PLEKHA8: variants seen among roughly 807,000 people sequenced by gnomAD.
PLEKHA8 encodes pleckstrin homology domain-containing family A member 8.
Under a neutral mutation model 68.2 loss-of-function variants are expected in PLEKHA8, and 36 were observed. The ratio of observed to expected loss-of-function variants is 0.53; its 90% CI spans 0.40 to 0.70. The LOEUF (loss-of-function observed/expected upper bound fraction) is 0.70. Ranked by LOEUF, PLEKHA8 falls within the 30% of genes least tolerant of loss-of-function variation. The pLI is 0.00. For synonymous variants in PLEKHA8, 211 were observed against 216.1 expected (o/e 0.98, Z 0.20); for missense variants, 505 against 615.4 (o/e 0.82, Z 1.90).
chr7:30,116,017 TACATACG>T (rs1562558776), intron 13 of PLEKHA8: 23 of 147,482 alleles, frequency 1.6e-4, no homozygotes, highest in African/African-American at 5.2e-4. Context: ...TACATACGCA[TACATACG>T]TATACATACA....
At chr7:30,086,032 C>A (rs1382197831), downstream of PLEKHA8, among the ~76,000 whole-genome samples, 1 of 152,206 alleles carries the variant, frequency 6.6e-6, no homozygotes, top group African/African-American at 2.4e-5. Context: ...TTACAATACA[C>A]TGCCTTGACC....
At chr7:30,040,902 G>C (rs1233389577) in intron 1 of PLEKHA8, among the ~76,000 whole-genome samples, 7 of 152,206 alleles carry the variant, frequency 4.6e-5, no homozygotes, top group Non-Finnish European at 1.0e-4. Flanking sequence ...AAAGAGGGTG[G>C]AGATTGGATA....
intron 1 of PLEKHA8, among the ~76,000 whole-genome samples, chr7:30,034,482 T>A (rs1214140041): frequency 6.6e-6 from 1 of 152,210 alleles, no homozygotes; most frequent in Non-Finnish European, 1.5e-5. Context: ...AAAAGCCTTA[T>A]GAATAACTTT....
intron 1 of PLEKHA8, among the ~76,000 whole-genome samples, chr7:30,031,387 A>G (rs376996467): frequency 7.2e-5 from 11 of 152,330 alleles, no homozygotes; most frequent in African/African-American, 2.6e-4. Context: ...AGTTCGCTGG[A>G]GAGGCCAAGG....
chr7:30,040,197 ATTTATTGGTTCAT>A (rs1583781085), intron 1 of PLEKHA8, among the ~76,000 whole-genome samples: 1 of 152,200 alleles, frequency 6.6e-6, no homozygotes, highest in East Asian at 1.9e-4. Flanking sequence ...AAAAAGGGAT[ATTTATTGGTTCAT>A]TTAATGGAAA....
rs551686935 is a variant in PLEKHA8 at position 30,081,035 on chromosome 7, T to G, written c.*2248T>G. The G allele has an allele frequency of 1.0e-6, 1 of 985,324 alleles. No individual in the cohort carries two copies. The highest frequency in any genetic ancestry group is 6.2e-5 in the Admixed American group (1 of 16,256). The allele number at this position is 985,324 out of a possible 1,614,324, so 61.0% of individuals were successfully genotyped here. ...TAGCACTCTGAAAATACCTCAGGTT[T>G]GCCACCGCAACTCTGAATACACACA... is the stretch of plus-strand genomic sequence containing the variant. On this transcript the variant is annotated 3_prime_UTR_variant, in exon 14 of 14. Transcript: ENST00000449726.
In PLEKHA8 at chr7:30,083,986, G is replaced by C; in HGVS notation, c.*5199G>C. 1 of 985,438 alleles carries C rather than the reference G, an allele frequency of 1.0e-6. No homozygotes were observed. Among genetic ancestry groups the C allele is most frequent in the Non-Finnish European group, 1.2e-6 (1 of 829,916 alleles). 61.0% of individuals were successfully genotyped at this position (985,438 alleles called of 1,614,324 possible). A position where few individuals can be genotyped will look rare whatever the true frequency, so the allele number is the denominator to read the frequency against. On this transcript the variant is annotated 3_prime_UTR_variant, in exon 14 of 14. Coordinates refer to ENST00000449726, the MANE Select transcript of PLEKHA8 (RefSeq NM_001197026.2). Reference sequence around the variant, plus strand: ...CTTCTGTTGTTTCCTAGAAGGCTATGAGCCAGTTCCATGGCATGTTTAATG... The same window carrying C: ...CTTCTGTTGTTTCCTAGAAGGCTATCAGCCAGTTCCATGGCATGTTTAATG...
chr7:30,128,193 A>G (rs1398081192), intron 13 of PLEKHA8, among the ~76,000 whole-genome samples: 4 of 151,076 alleles, frequency 2.6e-5, no homozygotes, highest in Non-Finnish European at 5.9e-5. Context: ...TGCAGACTCA[A>G]CCTCCTGGGC....
intron 7 of PLEKHA8, 71 bp downstream of exon 7, chr7:30,052,937 C>A: frequency 7.8e-7 from 1 of 1,288,374 alleles, no homozygotes; most frequent in South Asian, 1.4e-5. Flanking sequence ...TGATGAATAT[C>A]CATGATAGGG....
At chr7:30,105,302 C>T (rs1455278543) in intron 13 of PLEKHA8, among the ~76,000 whole-genome samples, 1 of 121,350 alleles carries the variant, frequency 8.2e-6, no homozygotes, top group Non-Finnish European at 1.6e-5. Context: ...GAAACCCTAT[C>T]TCTATAATTA....
intron 11 of PLEKHA8, 112 bp from the exon 12 acceptor site, chr7:30,062,560 A>G: frequency 1.3e-6 from 1 of 762,678 alleles, no homozygotes; most frequent in Non-Finnish European, 2.3e-6. Flanking sequence ...TGACCTATTC[A>G]CTGCTGTGCC....
At chr7:30,078,509 G>A in intron 13 of PLEKHA8, 81 bp from the exon 14 acceptor site, 1 of 1,354,018 alleles carries the variant, frequency 7.4e-7, no homozygotes, top group Non-Finnish European at 1.1e-6. Context: ...GAAAGTATGT[G>A]TGTGTGCATG....
rs893885283 is a variant in PLEKHA8, at chr7:30,115,903, T to C, written c.1363-13363T>C. 14 of 131,734 alleles carry C rather than the reference T, an allele frequency of 1.1e-4. 3 individuals carry two copies. The highest frequency in any genetic ancestry group is 4.5e-4 in the Admixed American group (6 of 13,326). The allele number at this position is 131,734 out of a possible 1,614,324, so 8.2% of individuals were successfully genotyped here. On this transcript the variant is annotated intron_variant, in intron 13 of 13. Coordinates refer to the PLEKHA8 transcript ENST00000396257. ...ACGCATACATGCGTATACATGCATG[T>C]ATACATGCATGCGTGCGTGTACATA...
At chr7:30,050,724 AC>A (rs1792340773) in intron 6 of PLEKHA8, 1 of 350,530 alleles carries the variant, frequency 2.9e-6, no homozygotes, top group Non-Finnish European at 5.1e-6. Context: ...ACATCTAGTA[AC>A]TTTTAATCTC....
At chr7:30,092,812 C>T (rs769479690), downstream of PLEKHA8, among the ~76,000 whole-genome samples, 3 of 152,202 alleles carry the variant, frequency 2.0e-5, no homozygotes, top group South Asian at 2.1e-4. Flanking sequence ...CTGGGAGAGA[C>T]GATCCCTTTC....
chr7:30,116,295 C>T (rs1208209013), intron 13 of PLEKHA8, among the ~76,000 whole-genome samples: 1 of 150,960 alleles, frequency 6.6e-6, no homozygotes, highest in African/African-American at 2.4e-5. Flanking sequence ...TGTATGTATT[C>T]ATACATGTAT....
At chr7:30,075,640 G>A (rs1794565517) in intron 13 of PLEKHA8, among the ~76,000 whole-genome samples, 1 of 152,134 alleles carries the variant, frequency 6.6e-6, no homozygotes, top group African/African-American at 2.4e-5. Context: ...GCTCACTGTG[G>A]TCATTGATCT....
At chr7:30,097,494 A>T (rs1795665604) in intron 13 of PLEKHA8, among the ~76,000 whole-genome samples, 1 of 152,178 alleles carries the variant, frequency 6.6e-6, no homozygotes, top group Non-Finnish European at 1.5e-5. Flanking sequence ...CTTTTTACAT[A>T]GTCCCATATT....
At chr7:30,056,663 A>T (rs945265594) in intron 9 of PLEKHA8, among the ~76,000 whole-genome samples, 3 of 131,242 alleles carry the variant, frequency 2.3e-5, no homozygotes, top group Admixed American at 1.7e-4. Context: ...TGGGAGACGG[A>T]GGTTGCAGTG....
Sources: allele counts gnomAD v4.1 joint callset (sites outside exome capture counted in the v4.1 genomes callset), GRCh38; gene constraint gnomAD v4.1.1; transcripts MANE v1.5; gene names NCBI Gene and HGNC (gene_info 2026-07-23, HGNC 2026-07-21).